The following FAM20C variants were observed in gnomAD, a reference collection of about 807,000 sequenced individuals.
FAM20C encodes the protein FAM20C golgi associated secretory pathway kinase, also known as extracellular serine/threonine protein kinase FAM20C.
FAM20C carries 40 observed loss-of-function variants against 51.5 expected under a neutral mutation model. The observed-to-expected ratio is 0.78, with a 90% CI of 0.60 to 1.01. The LOEUF is 1.01. Ranked by LOEUF, FAM20C falls within the 50% of genes least tolerant of loss-of-function variation. The pLI, the probability that FAM20C is intolerant of heterozygous loss-of-function variation, is 0.00. For missense variants in FAM20C, 861 were observed against 844.7 expected, an observed-to-expected ratio of 1.02 and a Z score of -0.24; for synonymous variants, 406 against 380.6, an observed-to-expected ratio of 1.07 and a Z score of -0.78.
chr7:256,791 C>T (rs756216667), intron 7 of FAM20C, 28 bp downstream of exon 7: 33 of 1,527,220 alleles, frequency 2.2e-5, no homozygotes, highest in African/African-American at 5.5e-5. Flanking sequence ...ACGGGGTCCC[C>T]GTGTCACTCG....
Position 198,872 on chromosome 7 carries a change from C to T in FAM20C, c.784+3140C>T, listed in dbSNP as rs187575362. Among the ~76,000 whole-genome samples the T allele has an allele frequency of 8.9e-4, 135 of 152,314 alleles. No homozygotes were observed. The Middle Eastern group carries it at 0.01, about 12-fold the overall frequency. Reference sequence around the variant, plus strand: ...TGGGGAAGCCAGGGCTGGGCAGGTGCCTGAGCCTCATGAGGGTCTCAGTCT... The same window carrying T: ...TGGGGAAGCCAGGGCTGGGCAGGTGTCTGAGCCTCATGAGGGTCTCAGTCT... On this transcript the variant is annotated intron_variant, in intron 2 of 9. Transcript: ENST00000313766.
chr7:237,002 T>G (rs1345482657), intron 3 of FAM20C, among the ~76,000 whole-genome samples: 7 of 152,280 alleles, frequency 4.6e-5, no homozygotes, highest in African/African-American at 7.2e-5. Context: ...CCTGGACTGT[T>G]CTAGGAAAAG....
intron 5 of FAM20C, among the ~76,000 whole-genome samples, chr7:254,100 C>T (rs1164167504): frequency 6.7e-6 from 1 of 150,160 alleles, no homozygotes; most frequent in South Asian, 2.1e-4. Flanking sequence ...GTGATCGGGG[C>T]GTTGGAACCA....
At chr7:219,725 G>C (rs62430303) in intron 3 of FAM20C, among the ~76,000 whole-genome samples, 8,602 of 152,302 alleles carry the variant, frequency 0.056, 288 homozygotes, top group Non-Finnish European at 0.085. Flanking sequence ...GGGTAAGGAC[G>C]GGGAGGGCAG....
chr7:243,129 G>C (rs368806300), intron 3 of FAM20C, among the ~76,000 whole-genome samples: 1,599 of 80,052 alleles, frequency 0.02, 52 homozygotes, highest in Non-Finnish European at 0.03. Flanking sequence ...CAAGAGACCT[G>C]TGCCACCCGG....
At chr7:231,793 C>T (rs984479176) in intron 3 of FAM20C, among the ~76,000 whole-genome samples, 8 of 152,140 alleles carry the variant, frequency 5.3e-5, no homozygotes, top group Admixed American at 2.0e-4. Flanking sequence ...GCCTGTCTGG[C>T]AGGGTTTGGG....
At chr7:201,217 G>A (rs1786113234) in intron 2 of FAM20C, among the ~76,000 whole-genome samples, 1 of 152,200 alleles carries the variant, frequency 6.6e-6, no homozygotes, top group African/African-American at 2.4e-5. Context: ...TGAAGAGCAG[G>A]GGGACCGCCT....
intron 3 of FAM20C, among the ~76,000 whole-genome samples, chr7:220,668 A>G (rs994744336): frequency 6.6e-6 from 1 of 152,074 alleles, no homozygotes; most frequent in Non-Finnish European, 1.5e-5. Context: ...CTGGAGAGGA[A>G]CATTCCTGCA....
At chr7:194,417 C>A (rs1218583457) in intron 1 of FAM20C, among the ~76,000 whole-genome samples, 1 of 150,942 alleles carries the variant, frequency 6.6e-6, no homozygotes. Flanking sequence ...TCCCCACCCC[C>A]CGGCCCCTCC....
chr7:220,567 C>T lies in FAM20C; in HGVS notation c.863+11591C>T, dbSNP rs188773583. 2.3e-3 allele frequency among the ~76,000 whole-genome samples: 356 copies of T among 152,314 alleles called. 2 individuals carry two copies. Among genetic ancestry groups the T allele is most frequent in the African/African-American group, 8.3e-3 (345 of 41,556 alleles). On this transcript the variant is annotated intron_variant, in intron 3 of 9. Coordinates refer to ENST00000313766, the MANE Select transcript of FAM20C (RefSeq NM_020223.4). ...GGTCTCTCCCACAAACTGAGTTAAGCATGACCTCTGTGTAGGCACCGCCTG... is the reference window on the plus strand; with the variant it reads ...GGTCTCTCCCACAAACTGAGTTAAGTATGACCTCTGTGTAGGCACCGCCTG...
chr7:207,141 T>G (rs529285428), intron 2 of FAM20C, among the ~76,000 whole-genome samples: 2 of 15,390 alleles, frequency 1.3e-4, no homozygotes, highest in African/African-American at 6.8e-4. Flanking sequence ...CGTCGGTCAC[T>G]GTCCCCTCCG....
intron 2 of FAM20C, among the ~76,000 whole-genome samples, chr7:202,877 G>A (rs889235943): frequency 6.6e-6 from 1 of 152,174 alleles, no homozygotes; most frequent in Admixed American, 6.5e-5. Context: ...CAGTGCAGAC[G>A]GGACCTGTTT....
chr7:200,633 G>T (rs1373975509), intron 2 of FAM20C, among the ~76,000 whole-genome samples: 2 of 152,242 alleles, frequency 1.3e-5, no homozygotes, highest in Non-Finnish European at 2.9e-5. Context: ...CAAGGCTGCA[G>T]TTTTCTTTTA....
intron 2 of FAM20C, among the ~76,000 whole-genome samples, chr7:197,864 A>T (rs2115044537): frequency 6.6e-6 from 1 of 152,264 alleles, no homozygotes; most frequent in African/African-American, 2.4e-5. Context: ...TGCCCACCTT[A>T]GGAGTGCTTT....
intron 9 of FAM20C, among the ~76,000 whole-genome samples, chr7:259,498 G>T (rs929305478): frequency 6.6e-6 from 1 of 152,138 alleles, no homozygotes. Flanking sequence ...CTTTATCTGT[G>T]TCTCTTTCTG....
chr7:211,357 C>T (rs1469456053), intron 3 of FAM20C, among the ~76,000 whole-genome samples: 3 of 150,660 alleles, frequency 2.0e-5, no homozygotes, highest in Admixed American at 1.3e-4. Context: ...CCAGACCTCC[C>T]CCAGCCTCTT....
At chr7:241,759 G>A (rs1165292002) in intron 3 of FAM20C, among the ~76,000 whole-genome samples, 5 of 152,042 alleles carry the variant, frequency 3.3e-5, no homozygotes, top group African/African-American at 1.2e-4. Context: ...GAGTGTGCAG[G>A]TGGGTGTGTG....
Position 258,790 on chromosome 7 carries a change from C to G in FAM20C, c.1505+85C>G, listed in dbSNP as rs542319047. On this transcript the variant is annotated intron_variant, in intron 9 of 9. Transcript: ENST00000313766. ...GAGGAGGCCACAGCCTTCCCCACCC[C>G]ACCCCGGCCATCACATGGGAGAGAA... 7.4e-5 allele frequency: 96 copies of G among 1,294,896 alleles called. 1 individual carries two copies. In the South Asian group the frequency reaches 1.0e-3, roughly 14 times the overall value. The allele number at this position is 1,294,896 out of a possible 1,614,324, so 80.2% of individuals were successfully genotyped here.
chr7:193,908 C>T, intron 1 of FAM20C, 104 bp downstream of exon 1: 1 of 1,407,944 alleles, frequency 7.1e-7, no homozygotes, highest in Non-Finnish European at 9.3e-7. Flanking sequence ...ATGGAAGAGG[C>T]CGGGCAGGGA....
Sources: allele counts gnomAD v4.1 joint callset (sites outside exome capture counted in the v4.1 genomes callset), GRCh38; gene constraint gnomAD v4.1.1; transcripts MANE v1.5; gene names NCBI Gene and HGNC (gene_info 2026-07-23, HGNC 2026-07-21).